Variants in CACNA1E observed in about 807,000 individuals in gnomAD.
CACNA1E encodes voltage-dependent R-type calcium channel subunit alpha-1E.
Under a neutral mutation model 259.2 loss-of-function variants are expected in CACNA1E, and 40 were observed. That is an observed-to-expected ratio of 0.15 (90% confidence interval 0.12 to 0.20). CACNA1E has a LOEUF of 0.20. Among genes scored for constraint, CACNA1E ranks in the 10% least tolerant of loss-of-function variants. The probability of loss-of-function intolerance (pLI) is 1.00; values close to 1 mark genes in which losing one functional copy is unlikely to be tolerated. For synonymous variants in CACNA1E, 1,104 were observed against 1,138.5 expected, an observed-to-expected ratio of 0.97 and a Z score of 0.61; for missense variants, 1,874 against 3,040.1, an observed-to-expected ratio of 0.62 and a Z score of 9.02.
intron 2 of CACNA1E, among the ~76,000 whole-genome samples, chr1:181,423,707 C>T (rs1341125525): frequency 7.1e-6 from 1 of 140,972 alleles, no homozygotes; most frequent in Admixed American, 7.6e-5. Context: ...GGCCAGCCTC[C>T]TGCAGATCTA....
At chr1:181,380,354 G>A (rs1029832110) in intron 1 of CACNA1E, among the ~76,000 whole-genome samples, 1 of 151,794 alleles carries the variant, frequency 6.6e-6, no homozygotes, top group Non-Finnish European at 1.5e-5. Context: ...TCCATCTTAA[G>A]AAATAAAAGA....
chr1:181,654,982 C>CAAAAAAAA (rs1208750325), intron 7 of CACNA1E, among the ~76,000 whole-genome samples: 10 of 53,392 alleles, frequency 1.9e-4, no homozygotes, highest in Non-Finnish European at 3.1e-4. Context: ...GACTCCATCT[C>CAAAAAAAA]AAAAAAAAAA....
rs373416681 is a variant in CACNA1E, at chr1:181,417,495, A to G, written c.434+3915A>G. Among the ~76,000 whole-genome samples the G allele has an allele frequency of 7.2e-5, 11 of 152,272 alleles. No individual in the cohort carries two copies. In the South Asian group the frequency reaches 2.3e-3, roughly 32 times the overall value. On this transcript the variant is annotated intron_variant, in intron 2 of 11. Transcript: ENST00000524607. ...GTTATACCTTGTCTGGCAAGACTTC[A>G]GCCCTGCTAAATCCCACTTTCCCCT...
intron 25 of CACNA1E, among the ~76,000 whole-genome samples, chr1:181,748,730 T>C (rs1186373988): frequency 6.6e-6 from 1 of 152,254 alleles, no homozygotes; most frequent in Non-Finnish European, 1.5e-5. Context: ...ATTTCATTTT[T>C]CCTATGGCAG....
chr1:181,522,802 A>G (rs993695255), intron 3 of CACNA1E, among the ~76,000 whole-genome samples: 1 of 152,106 alleles, frequency 6.6e-6, no homozygotes, highest in African/African-American at 2.4e-5. Context: ...TCACATATGG[A>G]CTCTGGTGAT....
intron 6 of CACNA1E, among the ~76,000 whole-genome samples, chr1:181,602,752 C>G (rs1458500256): frequency 2.0e-5 from 3 of 152,088 alleles, no homozygotes; most frequent in Non-Finnish European, 2.9e-5. Context: ...GCCAGTTGGC[C>G]TTAGCAAGTT....
intron 1 of CACNA1E, among the ~76,000 whole-genome samples, chr1:181,344,531 A>C (rs150096500): frequency 6.6e-6 from 1 of 152,310 alleles, no homozygotes; most frequent in Admixed American, 6.5e-5. Flanking sequence ...AACAACACTC[A>C]GCCTTTCTGC....
In CACNA1E at chr1:181,567,956, C is replaced by CAT. The variant is rs557828383; in HGVS notation, c.513-9802_513-9801dup. On this transcript the variant is annotated intron_variant, in intron 3 of 47. Transcript: ENST00000367573. Reference sequence around the variant, plus strand: ...GTATGTGTGTATATATATATACACACATATATATACACACACACACATCTG... The same window carrying CAT: ...GTATGTGTGTATATATATATACACACATATATATATACACACACACACATCTG... 4.0e-5 allele frequency among the ~76,000 whole-genome samples: 6 copies of CAT among 151,868 alleles called. No individual in the cohort carries two copies. The East Asian group carries it at 1.2e-3, about 29-fold the overall frequency.
chr1:181,609,958 C>G (rs1411021787), intron 6 of CACNA1E, among the ~76,000 whole-genome samples: 3 of 152,216 alleles, frequency 2.0e-5, no homozygotes, highest in African/African-American at 7.2e-5. Flanking sequence ...ATTGCCAGGA[C>G]AGAGCACATC....
intron 1 of CACNA1E, among the ~76,000 whole-genome samples, chr1:181,322,882 T>C (rs1157740070): frequency 2.6e-5 from 4 of 152,222 alleles, no homozygotes; most frequent in African/African-American, 7.2e-5. Context: ...AGCAGCTGAA[T>C]GGGGCTGAGG....
intron 36 of CACNA1E, 40 bp downstream of exon 36, chr1:181,771,424 A>T: frequency 9.5e-7 from 1 of 1,055,876 alleles, no homozygotes; most frequent in Non-Finnish European, 1.5e-6. Flanking sequence ...GGTTCTCCTG[A>T]TGGAGGGAGA....
At chr1:181,655,225 G>T (rs1490523369) in intron 7 of CACNA1E, among the ~76,000 whole-genome samples, 1 of 152,058 alleles carries the variant, frequency 6.6e-6, no homozygotes, top group Non-Finnish European at 1.5e-5. Flanking sequence ...GGAGGTAAAA[G>T]AGAACAAATG....
Position 181,718,204 on chromosome 1 carries a change from T to C in CACNA1E, c.1638+37T>C, listed in dbSNP as rs1198506226. The C allele has an allele frequency of 6.8e-6, 7 of 1,031,306 alleles. No homozygotes were observed. The South Asian group carries it at 7.8e-5, about 11-fold the overall frequency. 63.9% of individuals were successfully genotyped at this position (1,031,306 alleles called of 1,614,324 possible). A position where few individuals can be genotyped will look rare whatever the true frequency, so the allele number is the denominator to read the frequency against. ...GAAGCCTGCCTCTGCTCCTGCTTCGTGTTGATATGCCCTGGTTTTAGATAA... is the reference window on the plus strand; with the variant it reads ...GAAGCCTGCCTCTGCTCCTGCTTCGCGTTGATATGCCCTGGTTTTAGATAA... On this transcript the variant is annotated intron_variant, in intron 12 of 47. Transcript: ENST00000367573.
chr1:181,610,260 T>G (rs1157961830), intron 6 of CACNA1E, among the ~76,000 whole-genome samples: 1 of 152,148 alleles, frequency 6.6e-6, no homozygotes, highest in Non-Finnish European at 1.5e-5. Context: ...AAGTACCAAT[T>G]AGATAATTTT....
intron 3 of CACNA1E, among the ~76,000 whole-genome samples, chr1:181,553,926 C>A (rs779408178): frequency 2.6e-5 from 4 of 152,138 alleles, no homozygotes; most frequent in Non-Finnish European, 4.4e-5. Context: ...TTATCATGAT[C>A]TTACTAATAA....
In CACNA1E at chr1:181,716,023, C is replaced by G. The variant is rs1653855427; in HGVS notation, c.1226-17C>G. The G allele has an allele frequency of 6.5e-7, 1 of 1,548,512 alleles. No homozygotes were observed. Among genetic ancestry groups the G allele is most frequent in the Non-Finnish European group, 8.8e-7 (1 of 1,142,406 alleles). ...GTACTTGTGGCCTCTCACTGGTCTTCCCTTTCCCTGATGCAGTGCTTCGAA... is the reference window on the plus strand; with the variant it reads ...GTACTTGTGGCCTCTCACTGGTCTTGCCTTTCCCTGATGCAGTGCTTCGAA... On this transcript the variant is annotated splice_polypyrimidine_tract_variant and intron_variant, in intron 9 of 47. Transcript: ENST00000367573.
intron 1 of CACNA1E, among the ~76,000 whole-genome samples, chr1:181,386,935 G>A (rs1655895756): frequency 1.3e-5 from 2 of 152,136 alleles, no homozygotes; most frequent in African/African-American, 4.8e-5. Flanking sequence ...TTTTGTTTTT[G>A]CCTCATCGCA....
chr1:181,510,122 T>A (rs958278660), intron 1 of CACNA1E, among the ~76,000 whole-genome samples: 5 of 152,212 alleles, frequency 3.3e-5, no homozygotes, highest in African/African-American at 9.6e-5. Flanking sequence ...TGTTTCTTCC[T>A]CCTTTCTTCC....
chr1:181,693,149 A>AAAAAC (rs1558273258), intron 7 of CACNA1E, among the ~76,000 whole-genome samples: 4 of 128,762 alleles, frequency 3.1e-5, no homozygotes, highest in Admixed American at 7.8e-5. Context: ...AAAAAAAAAA[A>AAAAAC]ACAACAGATG....
Sources: allele counts gnomAD v4.1 joint callset (sites outside exome capture counted in the v4.1 genomes callset), GRCh38; gene constraint gnomAD v4.1.1; transcripts MANE v1.5; gene names NCBI Gene and HGNC (gene_info 2026-07-23, HGNC 2026-07-21).